Variants in SIK2 observed in about 807,000 individuals in gnomAD.
SIK2 encodes the protein serine/threonine-protein kinase SIK2.
SIK2 carries 29 observed loss-of-function variants against 103.2 expected under a neutral mutation model. That is an observed-to-expected ratio of 0.28 (90% CI 0.21 to 0.38). The LOEUF is 0.38. Among genes scored for constraint, SIK2 ranks in the 10% least tolerant of loss-of-function variants. SIK2 has a pLI of 1.00. For missense variants in SIK2, 879 were observed against 1,171.0 expected (o/e 0.75, Z 3.64); for synonymous variants, 412 against 446.1 (o/e 0.92, Z 0.96).
Position 111,647,729 on chromosome 11 carries a change from G to A in SIK2, c.316+27327G>A, listed in dbSNP as rs190831198. ...AAATACAAAACATTATTAGCCGGGCGTGGTGGCAGGCACCTGTAGTCCCAG... is the reference window on the plus strand; with the variant it reads ...AAATACAAAACATTATTAGCCGGGCATGGTGGCAGGCACCTGTAGTCCCAG... On this transcript the variant is annotated intron_variant, in intron 3 of 14. Coordinates refer to ENST00000304987, the MANE Select transcript of SIK2 (RefSeq NM_015191.3). 6.6e-3 allele frequency among the ~76,000 whole-genome samples: 997 copies of A among 151,994 alleles called. 5 individuals carry two copies. Among genetic ancestry groups the A allele is most frequent in the South Asian group, 0.013 (61 of 4,814 alleles).
intron 3 of SIK2, among the ~76,000 whole-genome samples, chr11:111,679,976 G>T (rs999574734): frequency 6.6e-6 from 1 of 152,056 alleles, no homozygotes; most frequent in Admixed American, 6.6e-5. Flanking sequence ...TAAAAAATTA[G>T]CTGGGCATGG....
At chr11:111,687,222 A>G (rs1366578876) in intron 3 of SIK2, among the ~76,000 whole-genome samples, 2 of 152,124 alleles carry the variant, frequency 1.3e-5, no homozygotes, top group Non-Finnish European at 1.5e-5. Flanking sequence ...ATATGATTAG[A>G]AATATTTCTT....
intron 8 of SIK2, among the ~76,000 whole-genome samples, chr11:111,711,557 C>T (rs573743388): frequency 1.3e-5 from 2 of 152,242 alleles, no homozygotes; most frequent in Admixed American, 6.5e-5. Flanking sequence ...TTGCAGTAAG[C>T]GTAGCTTGCA....
intron 3 of SIK2, among the ~76,000 whole-genome samples, chr11:111,644,287 C>CAAAAAAA (rs559236704): frequency 2.4e-5 from 1 of 42,018 alleles, no homozygotes; most frequent in Admixed American, 2.5e-4. Context: ...GACTCCATCT[C>CAAAAAAA]AAAAAAAAAA....
chr11:111,708,753 A>AT (rs1270492589), intron 8 of SIK2, among the ~76,000 whole-genome samples: 1 of 151,810 alleles, frequency 6.6e-6, no homozygotes, highest in Non-Finnish European at 1.5e-5. Flanking sequence ...CCAGCTAATT[A>AT]TTTTTTTATT....
chr11:111,642,492 C>T (rs993679668), intron 3 of SIK2, among the ~76,000 whole-genome samples: 3 of 152,102 alleles, frequency 2.0e-5, no homozygotes, highest in Non-Finnish European at 2.9e-5. Context: ...ATACATAGAG[C>T]AAGGTATAGG....
chr11:111,674,746 A>G (rs1211664446), intron 3 of SIK2, among the ~76,000 whole-genome samples: 1 of 151,766 alleles, frequency 6.6e-6, no homozygotes, highest in Non-Finnish European at 1.5e-5. Context: ...TTCTACTGTG[A>G]TAATTTTTTT....
chr11:111,645,230 A>G (rs927892468), intron 3 of SIK2, among the ~76,000 whole-genome samples: 1 of 152,214 alleles, frequency 6.6e-6, no homozygotes, highest in African/African-American at 2.4e-5. Flanking sequence ...GTTTTACCCT[A>G]TTTCATGTAC....
intron 9 of SIK2, among the ~76,000 whole-genome samples, chr11:111,712,829 C>G (rs1281222587): frequency 6.6e-6 from 1 of 152,164 alleles, no homozygotes; most frequent in Admixed American, 6.5e-5. Flanking sequence ...CTTTTGTGAT[C>G]AGTTATACAT....
rs1055308668 is a variant in SIK2, at chr11:111,727,818, AAGC to A, written c.*3693_*3695del. On this transcript the variant is annotated 3_prime_UTR_variant, in exon 15 of 15. Transcript: ENST00000304987. ...AGTTGGTCCCAGGCGTGTGGGCACT[AAGC>A]AGCCTCTGGAGACATGCGGGCAGTT... 7.9e-5 allele frequency: 12 copies of A among 152,280 alleles called. No individual in the cohort carries two copies. The highest frequency in any genetic ancestry group is 4.1e-4 in the South Asian group (2 of 4,830). The allele number at this position is 152,280 out of a possible 1,614,324, so 9.4% of individuals were successfully genotyped here.
intron 3 of SIK2, among the ~76,000 whole-genome samples, chr11:111,687,698 T>C (rs1422668045): frequency 6.6e-6 from 1 of 151,066 alleles, no homozygotes; most frequent in East Asian, 2.0e-4. Flanking sequence ...CTCCACCTCC[T>C]GGGTTCACAC....
intron 1 of SIK2, among the ~76,000 whole-genome samples, chr11:111,610,819 A>G (rs1443972676): frequency 1.3e-5 from 2 of 152,230 alleles, no homozygotes; most frequent in Non-Finnish European, 2.9e-5. Flanking sequence ...TTTTCTTATT[A>G]GAAAAATAAT....
intron 3 of SIK2, among the ~76,000 whole-genome samples, chr11:111,659,590 T>G (rs1942441182): frequency 6.6e-6 from 1 of 151,076 alleles, no homozygotes; most frequent in Non-Finnish European, 1.5e-5. Flanking sequence ...CCGTCGCTTA[T>G]TCCTTTTACA....
intron 1 of SIK2, among the ~76,000 whole-genome samples, chr11:111,613,524 C>G (rs905155480): frequency 6.6e-6 from 1 of 152,052 alleles, no homozygotes; most frequent in Non-Finnish European, 1.5e-5. Flanking sequence ...CAGCTGTTAC[C>G]CAAAGTTACC....
intron 3 of SIK2, among the ~76,000 whole-genome samples, chr11:111,666,668 T>C (rs952669288): frequency 1.3e-5 from 2 of 152,212 alleles, no homozygotes; most frequent in Non-Finnish European, 2.9e-5. Context: ...ATGATGGTTT[T>C]CACATCAGAT....
intron 8 of SIK2, among the ~76,000 whole-genome samples, chr11:111,710,315 T>A (rs557918285): frequency 1.2e-4 from 19 of 152,234 alleles, no homozygotes; most frequent in Non-Finnish European, 1.6e-4. Flanking sequence ...TATCACACTC[T>A]GAATGGTATG....
At chr11:111,679,782 A>AGTTAGATGTATGGAATG (rs1942753290) in intron 3 of SIK2, among the ~76,000 whole-genome samples, 1 of 152,206 alleles carries the variant, frequency 6.6e-6, no homozygotes, top group African/African-American at 2.4e-5. Context: ...ATTGGCAAGA[A>AGTTAGATGTATGGAATG]CCAGCACAAG....
At chr11:111,721,554 T>C (rs1377057244) in intron 12 of SIK2, among the ~76,000 whole-genome samples, 2 of 152,254 alleles carry the variant, frequency 1.3e-5, no homozygotes, top group South Asian at 2.1e-4. Context: ...AAGAGGATTA[T>C]AGTTCGAGGC....
chr11:111,662,614 C>T (rs750956683), intron 3 of SIK2, among the ~76,000 whole-genome samples: 3 of 151,876 alleles, frequency 2.0e-5, no homozygotes, highest in East Asian at 1.9e-4. Flanking sequence ...CAGTGGCTCA[C>T]GCCTGTAATC....
Sources: allele counts gnomAD v4.1 joint callset (sites outside exome capture counted in the v4.1 genomes callset), GRCh38; gene constraint gnomAD v4.1.1; transcripts MANE v1.5; gene names NCBI Gene and HGNC (gene_info 2026-07-23, HGNC 2026-07-21).